The following RNF157 variants were observed in gnomAD, a reference collection of about 807,000 sequenced individuals.
RNF157 encodes ring finger protein 157.
A neutral mutation model predicts 88.3 loss-of-function variants in RNF157; 55 were observed. That is an observed-to-expected ratio of 0.62 (90% CI 0.50 to 0.78). The LOEUF (loss-of-function observed/expected upper bound fraction) is 0.78, where lower values mean the gene tolerates loss of function less well. Among genes scored for constraint, RNF157 ranks in the 30% least tolerant of loss-of-function variants. The pLI is 0.00. For synonymous variants in RNF157, 334 were observed against 341.2 expected (o/e 0.98, Z 0.23); for missense variants, 788 against 860.8 (o/e 0.92, Z 1.06).
chr17:76,191,703 G>A (rs750547039), intron 2 of RNF157, among the ~76,000 whole-genome samples: 26 of 152,030 alleles, frequency 1.7e-4, no homozygotes, highest in Non-Finnish European at 3.7e-4. Context: ...GAGCCTGGGA[G>A]GTTGAAACTA....
chr17:76,200,427 A>G (rs912010798), intron 2 of RNF157, among the ~76,000 whole-genome samples: 1 of 152,252 alleles, frequency 6.6e-6, no homozygotes, highest in Non-Finnish European at 1.5e-5. Context: ...TACAACATGG[A>G]TGAACCAAGC....
chr17:76,211,139 T>G (rs2069792252), intron 2 of RNF157, among the ~76,000 whole-genome samples: 1 of 152,214 alleles, frequency 6.6e-6, no homozygotes, highest in South Asian at 2.1e-4. Context: ...GTTTCCTTAT[T>G]TGTTCCAGGG....
chr17:76,161,526 C>T lies in RNF157; in HGVS notation c.1065+9G>A. The stretch of plus-strand genomic sequence containing the variant: ...CTTCAGAGGGGCCGTGGTTCCGAGC[C>T]CAACTTACTGGATGCTCTTCAGAGT... On this transcript the variant is annotated intron_variant, in intron 11 of 18. Transcript: ENST00000269391. The surrounding 1 kb of genome is among the most constrained non-coding windows in gnomAD (Gnocchi z 4.6). The T allele has an allele frequency of 6.2e-7, 1 of 1,609,272 alleles. No homozygotes were observed.
At chr17:76,205,144 TC>T (rs1667085374) in intron 2 of RNF157, among the ~76,000 whole-genome samples, 1 of 150,086 alleles carries the variant, frequency 6.7e-6, no homozygotes, top group Non-Finnish European at 1.5e-5. Context: ...TTTTTTTCTT[TC>T]TTTTTTTTTT....
At chr17:76,174,398 C>T (rs917548084) in intron 2 of RNF157, among the ~76,000 whole-genome samples, 4 of 152,166 alleles carry the variant, frequency 2.6e-5, no homozygotes, top group Admixed American at 2.0e-4. Context: ...ATTTACCATC[C>T]GCTTCTTCCC....
intron 18 of RNF157, among the ~76,000 whole-genome samples, chr17:76,150,527 T>C (rs1211148160): frequency 1.3e-5 from 2 of 151,558 alleles, no homozygotes; most frequent in Non-Finnish European, 2.9e-5. Flanking sequence ...GGTAAGGGAG[T>C]CCCTTGAGGG....
At chr17:76,162,085 A>G (rs1006595233) in intron 9 of RNF157, 83 bp from the exon 10 acceptor site, 14 of 1,375,158 alleles carry the variant, frequency 1.0e-5, no homozygotes, top group Admixed American at 2.2e-5. Flanking sequence ...GTGGCTGAAG[A>G]GCTAAGATAA....
intron 13 of RNF157, 181 bp from the exon 14 acceptor site, chr17:76,156,502 A>G (rs2068766948): frequency 7.1e-7 from 1 of 1,413,922 alleles, no homozygotes; most frequent in African/African-American, 1.5e-5. Context: ...CAAGCCTGGA[A>G]TGACTGCCTC....
intron 1 of RNF157, among the ~76,000 whole-genome samples, chr17:76,229,810 A>C (rs886336827): frequency 1.3e-5 from 2 of 152,324 alleles, no homozygotes; most frequent in East Asian, 1.9e-4. Flanking sequence ...ACTGCTTGTA[A>C]TTTGTTTTTC....
rs1336109322 is a variant in RNF157, at chr17:76,159,444, G to C, written c.1195C>G (p.Pro399Ala). ...LGDGHLSGML[P>A]SYGSDGHLPP... Reference sequence around the variant, plus strand: ...AGGTGGCCATCACTGCCATATGAAGGGAGCATTCCTGAGAGGTGGCCATCT... The same window carrying C: ...AGGTGGCCATCACTGCCATATGAAGCGAGCATTCCTGAGAGGTGGCCATCT... The change falls in exon 12 of 19, where the codon CCT (proline) becomes GCT (alanine). Residue 399 changes from proline to alanine, a missense_variant. Pro to Ala is a conservative substitution (Grantham distance 27). Coordinates refer to ENST00000269391, the MANE Select transcript of RNF157 (RefSeq NM_052916.3). The C allele has an allele frequency of 2.5e-6, 4 of 1,613,102 alleles. No individual in the cohort carries two copies. In the African/African-American group the frequency reaches 5.3e-5, roughly 22 times the overall value.
chr17:76,218,895 C>T (rs140925770), intron 1 of RNF157, among the ~76,000 whole-genome samples: 1,890 of 151,718 alleles, frequency 0.012, 46 homozygotes, highest in African/African-American at 0.043. Context: ...GATCACACCA[C>T]GGCACTCCAG....
intron 2 of RNF157, among the ~76,000 whole-genome samples, chr17:76,199,591 A>G (rs954793285): frequency 2.0e-5 from 3 of 148,754 alleles, no homozygotes; most frequent in African/African-American, 7.7e-5. Flanking sequence ...AAAAAAAAAA[A>G]AGAACAGCTG....
chr17:76,172,075 G>T (rs1353221966), intron 3 of RNF157, among the ~76,000 whole-genome samples: 1 of 152,238 alleles, frequency 6.6e-6, no homozygotes, highest in African/African-American at 2.4e-5. Flanking sequence ...CAGCAGACAG[G>T]TACCTCCTTG....
At chr17:76,236,674 T>TAA (rs2070287684) in intron 1 of RNF157, among the ~76,000 whole-genome samples, 1 of 152,230 alleles carries the variant, frequency 6.6e-6, no homozygotes, top group Non-Finnish European at 1.5e-5. Context: ...ACATTATTCA[T>TAA]TGTTGCACTG....
Position 76,159,573 on chromosome 17 carries a change from A to T in RNF157, c.1066T>A (p.Ser356Thr), listed in dbSNP as rs146062036. The T allele has an allele frequency of 1.3e-4, 199 of 1,583,414 alleles. No individual in the cohort carries two copies. In the African/African-American group the frequency reaches 2.5e-3, roughly 20 times the overall value. ...SQTSDSEEHP[S>T]SENIPPGYEV... is the part of the protein sequence containing the mutation. ...TAGCCTGGTGGAATATTCTCTGAGG[A>T]CTAGGGGAATCAGAGACAGGTTGAA... is the stretch of plus-strand genomic sequence containing the variant. Residue 356 changes from serine to threonine, a missense_variant and splice_region_variant, in exon 12 of 19, where the codon TCC becomes ACC. Ser to Thr is a moderately conservative substitution (Grantham distance 58). Coordinates refer to ENST00000269391, the MANE Select transcript of RNF157 (RefSeq NM_052916.3).
intron 1 of RNF157, among the ~76,000 whole-genome samples, chr17:76,239,274 A>G (rs1424463780): frequency 6.6e-6 from 1 of 152,174 alleles, no homozygotes; most frequent in African/African-American, 2.4e-5. Flanking sequence ...TGCTCACATA[A>G]CTGAACTACC....
chr17:76,169,655 T>C (rs1006601713), intron 3 of RNF157, among the ~76,000 whole-genome samples: 1 of 150,534 alleles, frequency 6.6e-6, no homozygotes, highest in Admixed American at 6.6e-5. Context: ...TCTTGGCTCA[T>C]TGCAACCTCT....
intron 1 of RNF157, among the ~76,000 whole-genome samples, chr17:76,230,039 C>A (rs116728768): frequency 6.8e-4 from 103 of 152,244 alleles, no homozygotes; most frequent in African/African-American, 2.4e-3. Flanking sequence ...TTAGTAAAAT[C>A]CATATTCTGA....
At chr17:76,156,890 G>C (rs1012611874) in intron 13 of RNF157, among the ~76,000 whole-genome samples, 1 of 151,990 alleles carries the variant, frequency 6.6e-6, no homozygotes, top group Non-Finnish European at 1.5e-5. Flanking sequence ...TCTACGAACT[G>C]TATCTCCATA....
Sources: allele counts gnomAD v4.1 joint callset (sites outside exome capture counted in the v4.1 genomes callset), GRCh38; gene constraint gnomAD v4.1.1; non-coding constraint Gnocchi (gnomAD v3.1); transcripts MANE v1.5; gene names NCBI Gene and HGNC (gene_info 2026-07-23, HGNC 2026-07-21).